The following PRKCH variants were observed in gnomAD, a reference collection of about 807,000 sequenced individuals.
The protein encoded by PRKCH is protein kinase C eta type.
Under a neutral mutation model 82.5 loss-of-function variants are expected in PRKCH, and 28 were observed. The ratio of observed to expected loss-of-function variants is 0.34; its 90% CI spans 0.25 to 0.47. PRKCH has a LOEUF of 0.47. Ranked by LOEUF, PRKCH falls within the 20% of genes least tolerant of loss-of-function variation. PRKCH has a pLI of 1.00. For missense variants in PRKCH, 705 were observed against 881.8 expected (o/e 0.80, Z 2.54); for synonymous variants, 322 against 327.4 (o/e 0.98, Z 0.18).
intron 1 of PRKCH, among the ~76,000 whole-genome samples, chr14:61,258,064 T>G (rs2045015364): frequency 6.6e-6 from 1 of 152,104 alleles, no homozygotes; most frequent in Non-Finnish European, 1.5e-5. Flanking sequence ...CATGGGCACT[T>G]TAGCCACCTA....
chr14:61,518,639 G>T (rs1290309214), intron 10 of PRKCH, among the ~76,000 whole-genome samples: 1 of 152,118 alleles, frequency 6.6e-6, no homozygotes, highest in African/African-American at 2.4e-5. Context: ...AAAGTGAGGG[G>T]AAATCTCTGA....
At chr14:61,323,033 T>G (rs1036734765) in intron 1 of PRKCH, among the ~76,000 whole-genome samples, 1 of 152,142 alleles carries the variant, frequency 6.6e-6, no homozygotes, top group Admixed American at 6.6e-5. Flanking sequence ...GTTTTATTAT[T>G]TAGCATTTTT....
intron 1 of PRKCH, among the ~76,000 whole-genome samples, chr14:61,187,880 C>T (rs1360094607): frequency 6.6e-6 from 1 of 152,174 alleles, no homozygotes; most frequent in East Asian, 1.9e-4. Flanking sequence ...TTTTCAGAGC[C>T]TTGGGCCCCA....
chr14:61,427,242 T>G (rs1224530868), intron 2 of PRKCH, among the ~76,000 whole-genome samples: 6 of 152,138 alleles, frequency 3.9e-5, no homozygotes, highest in Non-Finnish European at 1.5e-5. Flanking sequence ...AAGGATAAAT[T>G]AGTTATTATC....
In PRKCH at chr14:61,257,857, A is replaced by G. The variant is rs553695102; in HGVS notation, c.-19+70189A>G. Among the ~76,000 whole-genome samples the G allele has an allele frequency of 5.3e-5, 8 of 152,250 alleles. No individual in the cohort carries two copies. The East Asian group carries it at 1.4e-3, about 26-fold the overall frequency. Reference sequence around the variant, plus strand: ...ACGAGCACTCTTCACTCCCAGGACAATCCCCTGATACCATAAAATGCTTGC... The same window carrying G: ...ACGAGCACTCTTCACTCCCAGGACAGTCCCCTGATACCATAAAATGCTTGC... On this transcript the variant is annotated intron_variant, in intron 1 of 3. Coordinates refer to the PRKCH transcript ENST00000555185.
intron 1 of PRKCH, among the ~76,000 whole-genome samples, chr14:61,265,655 C>G (rs2045093627): frequency 6.6e-6 from 1 of 152,188 alleles, no homozygotes; most frequent in African/African-American, 2.4e-5. Flanking sequence ...TTTCATAAGC[C>G]CTACACCAAA....
chr14:61,487,897 T>C (rs113603127), intron 10 of PRKCH, among the ~76,000 whole-genome samples: 1,780 of 151,098 alleles, frequency 0.012, 32 homozygotes, highest in African/African-American at 0.04. Context: ...CTCACGCCTG[T>C]AATCCCAGCA....
chr14:61,299,764 C>T (rs2045435772), intron 1 of PRKCH: 1 of 152,068 alleles, frequency 6.6e-6, no homozygotes, highest in Non-Finnish European at 1.5e-5. Context: ...ACAAGCAAAG[C>T]CTCTCAGTTC....
At chr14:61,195,419 C>G (rs2140034991) in intron 1 of PRKCH, among the ~76,000 whole-genome samples, 1 of 152,302 alleles carries the variant, frequency 6.6e-6, no homozygotes, top group African/African-American at 2.4e-5. Flanking sequence ...GAAGACCTAT[C>G]ACATGTTAGG....
intron 1 of PRKCH, among the ~76,000 whole-genome samples, chr14:61,262,219 T>TAAATAAAAAAAAAAAAAAAAAAAAAAA (rs1356058235): frequency 9.4e-6 from 1 of 106,614 alleles, no homozygotes; most frequent in African/African-American, 4.1e-5. Flanking sequence ...AGACTCTGTA[T>TAAATAAAAAAAAAAAAAAAAAAAAAAA]AAAAAAAAAA....
intron 1 of PRKCH, chr14:61,306,994 T>C (rs2045489566): frequency 1.3e-5 from 2 of 152,222 alleles, no homozygotes; most frequent in South Asian, 2.1e-4. Context: ...GAACAAAGTA[T>C]ATTCTAATAT....
At chr14:61,374,726 C>A (rs1438247888) in intron 1 of PRKCH, among the ~76,000 whole-genome samples, 2 of 151,986 alleles carry the variant, frequency 1.3e-5, no homozygotes, top group Non-Finnish European at 2.9e-5. Context: ...CTGTACAGAG[C>A]AGTGAGGGCC....
chr14:61,381,785 G>T (rs1427356983), intron 1 of PRKCH, among the ~76,000 whole-genome samples: 3 of 152,238 alleles, frequency 2.0e-5, no homozygotes, highest in African/African-American at 7.2e-5. Context: ...GTCTTGCCCA[G>T]GCTCCCAGGG....
chr14:61,437,217 G>T (rs1171109634), intron 2 of PRKCH, among the ~76,000 whole-genome samples: 2 of 152,184 alleles, frequency 1.3e-5, no homozygotes, highest in African/African-American at 4.8e-5. Context: ...CTGTCTCAGA[G>T]ATCATCATCA....
At chr14:61,197,864 C>T (rs1266170523) in intron 1 of PRKCH, among the ~76,000 whole-genome samples, 2 of 152,046 alleles carry the variant, frequency 1.3e-5, no homozygotes. Context: ...TGTGAGAGAC[C>T]CATGGAGAAT....
Position 61,380,048 on chromosome 14 carries a change from TTTTTG to T in PRKCH, c.364-11157_364-11153del, listed in dbSNP as rs377696999. On this transcript the variant is annotated intron_variant, in intron 1 of 13. Transcript: ENST00000332981. ...AGAAGAAAAGTACCTTCTTAGTTCT[TTTTTG>T]TTTTGTTTTGTTTTGTTTTATTATG... Among the ~76,000 whole-genome samples the T allele has an allele frequency of 1.0e-4, 15 of 150,550 alleles. No homozygotes were observed. In the South Asian group the frequency reaches 1.5e-3, roughly 15 times the overall value.
chr14:61,373,292 G>A (rs1031041388), intron 1 of PRKCH, among the ~76,000 whole-genome samples: 3 of 151,936 alleles, frequency 2.0e-5, no homozygotes, highest in African/African-American at 7.3e-5. Context: ...TAATCATGGT[G>A]GAAGGCAAAG....
chr14:61,306,303 A>G (rs1281402957), intron 1 of PRKCH: 1 of 152,218 alleles, frequency 6.6e-6, no homozygotes, highest in African/African-American at 2.4e-5. Flanking sequence ...TATCCTGCAC[A>G]TGGGCTACAC....
At chr14:61,454,547 C>T (rs1001231859) in intron 7 of PRKCH, among the ~76,000 whole-genome samples, 6 of 152,170 alleles carry the variant, frequency 3.9e-5, no homozygotes, top group African/African-American at 7.2e-5. Flanking sequence ...ACCTCTAAAG[C>T]GGTTCAACTT....
Sources: gnomAD v4.1 joint callset for allele counts (sites outside exome capture counted in the v4.1 genomes callset) on GRCh38, gnomAD v4.1.1 for gene constraint, MANE v1.5 for transcripts, NCBI Gene and HGNC (gene_info 2026-07-23, HGNC 2026-07-21) for gene names.